INSIG1: variants seen among roughly 807,000 people sequenced by gnomAD.
The protein encoded by INSIG1 is insulin induced gene 1, also known as insulin-induced gene 1 protein.
A neutral mutation model predicts 26.5 loss-of-function variants in INSIG1; 14 were observed. The observed-to-expected ratio is 0.53, with a 90% CI of 0.35 to 0.83. The LOEUF (loss-of-function observed/expected upper bound fraction) is 0.83. Ranked by LOEUF, INSIG1 falls within the 40% of genes least tolerant of loss-of-function variation. INSIG1 has a pLI of 0.01. For synonymous variants in INSIG1, 147 were observed against 153.3 expected (o/e 0.96, Z 0.30); for missense variants, 272 against 368.9 (o/e 0.74, Z 2.15).
At chr7:155,308,213 T>C (rs769013162) in intron 5 of INSIG1, 28 bp from the exon 6 acceptor site, 1 of 1,215,554 alleles carries the variant, frequency 8.2e-7, no homozygotes, top group Non-Finnish European at 1.2e-6. Flanking sequence ...ATTTTCTCTT[T>C]CCTTTTTTTT....
chr7:155,306,382 T>G (rs1189648089), intron 5 of INSIG1, among the ~76,000 whole-genome samples: 1 of 152,242 alleles, frequency 6.6e-6, no homozygotes, highest in African/African-American at 2.4e-5. Flanking sequence ...CTTCAAGTCC[T>G]TTCTCAAGAG....
chr7:155,308,162 C>T, intron 5 of INSIG1, 79 bp from the exon 6 acceptor site: 1 of 731,988 alleles, frequency 1.4e-6, no homozygotes, highest in Non-Finnish European at 2.3e-6. Context: ...ATGTTAGGAC[C>T]TACTTAATTG....
chr7:155,303,703 GA>G (rs1363820691), intron 5 of INSIG1: 2 of 339,742 alleles, frequency 5.9e-6, no homozygotes, highest in East Asian at 1.8e-4. Context: ...TTGGCAGGCT[GA>G]AAGAAAGTAA....
At position 155,302,952 on chromosome 7, in the gene INSIG1, C is replaced by A; in HGVS notation, c.804+106C>A. 1.4e-6 allele frequency: 1 copy of A among 713,774 alleles called. No homozygotes were observed. The highest frequency in any genetic ancestry group is 2.5e-6 in the Non-Finnish European group (1 of 402,790). 44.2% of individuals were successfully genotyped at this position (713,774 alleles called of 1,614,324 possible). On this transcript the variant is annotated intron_variant, in intron 5 of 5. Coordinates refer to ENST00000340368, the MANE Select transcript of INSIG1 (RefSeq NM_005542.6). The surrounding 1 kb of genome is among the most constrained non-coding windows in gnomAD (Gnocchi z 4.3). ...TTGCGTTCATATATTCTGGTTCAGA[C>A]TTGAGTGACAACTACTGAGAAAAGC...
chr7:155,307,971 C>T (rs1041537549), intron 5 of INSIG1, among the ~76,000 whole-genome samples: 5 of 152,144 alleles, frequency 3.3e-5, no homozygotes, highest in Admixed American at 6.5e-5. Context: ...GCCTCAGCAG[C>T]GTAATTTCAC....
At chr7:155,306,146 C>A (rs1425203128) in intron 5 of INSIG1, among the ~76,000 whole-genome samples, 1 of 151,970 alleles carries the variant, frequency 6.6e-6, no homozygotes, top group African/African-American at 2.4e-5. Context: ...ATCACAGGCG[C>A]CCACCACCGC....
chr7:155,310,235 A>AGTGTT (rs1353154680), downstream of INSIG1: 1 of 152,560 alleles, frequency 6.6e-6, no homozygotes, highest in East Asian at 1.9e-4. Flanking sequence ...TTCAAAACCA[A>AGTGTT]GTGTTGTATT....
chr7:155,308,247 C>T lies in INSIG1; in HGVS notation c.811C>T (p.Pro271Ser), dbSNP rs375048290. The change falls in exon 6 of 6, where the codon CCT becomes TCT. Residue 271 changes from proline (P) to serine (S), a missense_variant. This residue lies in a region of INSIG1 where 111 missense variants were observed against 189.8 expected (regional missense o/e 0.58). Coordinates refer to ENST00000340368, the MANE Select transcript of INSIG1 (RefSeq NM_005542.6). ...NIGRQLAMGV[P>S]EKPHSD ...TTTTCCTTTCTACACATAGGGTGTT[C>T]CTGAAAAGCCCCATAGTGATTGAGT... 8 of 1,583,682 alleles carry T rather than the reference C, an allele frequency of 5.1e-6. No individual in the cohort carries two copies. The Admixed American group carries it at 6.7e-5, about 13-fold the overall frequency.
chr7:155,304,197 C>A (rs773199268), intron 5 of INSIG1, among the ~76,000 whole-genome samples: 10 of 152,180 alleles, frequency 6.6e-5, no homozygotes, highest in Non-Finnish European at 1.2e-4. Flanking sequence ...CTCGTGGGCT[C>A]AAGCCATCCT....
chr7:155,302,520 A>C lies in INSIG1; in HGVS notation c.704+103A>C. ...TTCATATTTTATTTGTTTTTTATAT[A>C]GAATGATACAGATTTAGGCATGAAA... On this transcript the variant is annotated intron_variant, in intron 4 of 5. Coordinates refer to ENST00000340368, the MANE Select transcript of INSIG1 (RefSeq NM_005542.6). This position sits in a 1 kb window ranked among gnomAD's most constrained non-coding sequence, Gnocchi z 4.3. 8.3e-7 allele frequency: 1 copy of C among 1,200,814 alleles called. No homozygotes were observed. Among genetic ancestry groups the C allele is most frequent in the Non-Finnish European group, 1.1e-6 (1 of 881,624 alleles). The allele number at this position is 1,200,814 out of a possible 1,614,324, so 74.4% of individuals were successfully genotyped here.
At chr7:155,307,198 GT>G (rs1797959892) in intron 5 of INSIG1, among the ~76,000 whole-genome samples, 1 of 152,222 alleles carries the variant, frequency 6.6e-6, no homozygotes, top group African/African-American at 2.4e-5. Context: ...AAGCATGTAT[GT>G]TTCCTAGAAG....
chr7:155,302,629 A>G lies in INSIG1; in HGVS notation c.705-118A>G. On this transcript the variant is annotated intron_variant, in intron 4 of 5. Coordinates refer to ENST00000340368, the MANE Select transcript of INSIG1 (RefSeq NM_005542.6). This position sits in a 1 kb window ranked among gnomAD's most constrained non-coding sequence, Gnocchi z 4.3. Reference sequence around the variant, plus strand: ...CAGTTACAACCAAACAAATATGAACATTCGTAACATTGGATGGTTGATATG... The same window carrying G: ...CAGTTACAACCAAACAAATATGAACGTTCGTAACATTGGATGGTTGATATG... The G allele has an allele frequency of 2.2e-6, 2 of 896,406 alleles. No homozygotes were observed. Among genetic ancestry groups the G allele is most frequent in the South Asian group, 3.3e-5 (2 of 61,130 alleles). 55.5% of individuals were successfully genotyped at this position (896,406 alleles called of 1,614,324 possible).
rs1296746811 is a variant in INSIG1 at position 155,308,464 on chromosome 7, C to T, written c.*194C>T. ...AATGATGACTTACCCTGAAGTCTTCCCTTGACTGCCCGCACTGGCGCCTGT... is the reference window on the plus strand; with the variant it reads ...AATGATGACTTACCCTGAAGTCTTCTCTTGACTGCCCGCACTGGCGCCTGT... On this transcript the variant is annotated 3_prime_UTR_variant, in exon 6 of 6. Coordinates refer to ENST00000340368, the MANE Select transcript of INSIG1 (RefSeq NM_005542.6). 1.5e-6 allele frequency: 1 copy of T among 687,442 alleles called. No individual in the cohort carries two copies. Among genetic ancestry groups the T allele is most frequent in the East Asian group, 2.5e-5 (1 of 39,770 alleles). 42.6% of individuals were successfully genotyped at this position (687,442 alleles called of 1,614,324 possible). A position where few individuals can be genotyped will look rare whatever the true frequency, so the allele number is the denominator to read the frequency against.
In INSIG1 at chr7:155,310,098, T is replaced by G. The variant is rs1798045265; in HGVS notation, c.*1828T>G. The stretch of plus-strand genomic sequence containing the variant: ...TATGAACCAAAGTGATTTGAGTTTG[T>G]AAAAATGTAAAATAGTATGAACAAA... On this transcript the variant is annotated 3_prime_UTR_variant, in exon 6 of 6. Transcript: ENST00000340368. 6.5e-6 allele frequency: 1 copy of G among 152,672 alleles called. No homozygotes were observed. The highest frequency in any genetic ancestry group is 2.1e-4 in the South Asian group (1 of 4,830). 9.5% of individuals were successfully genotyped at this position (152,672 alleles called of 1,614,324 possible). A position where few individuals can be genotyped will look rare whatever the true frequency, so the allele number is the denominator to read the frequency against.
rs987313390 is a variant in INSIG1 at position 155,298,816 on chromosome 7, C to T, written c.412+119C>T. On this transcript the variant is annotated intron_variant, in intron 2 of 5. Transcript: ENST00000340368. Reference sequence around the variant, plus strand: ...GAACTATCCACAGATTGAAAGTGTGCATCTCCAGTCTTGGGATTTAGAGAA... The same window carrying T: ...GAACTATCCACAGATTGAAAGTGTGTATCTCCAGTCTTGGGATTTAGAGAA... The T allele has an allele frequency of 1.1e-5, 11 of 1,019,338 alleles. No homozygotes were observed. The Admixed American group carries it at 2.7e-4, about 25-fold the overall frequency. The allele number at this position is 1,019,338 out of a possible 1,614,324, so 63.1% of individuals were successfully genotyped here.
Position 155,303,976 on chromosome 7 carries a change from C to CTTT in INSIG1, c.804+1150_804+1152dup, listed in dbSNP as rs11385167. On this transcript the variant is annotated intron_variant, in intron 5 of 5. Transcript: ENST00000340368. The stretch of plus-strand genomic sequence containing the variant: ...ATGGAGAAGAAAGGACTTTGCTTGC[C>CTTT]TTTTTTTTTTTTTTTTTTTTTTGAG... The CTTT allele has an allele frequency of 1.3e-3, 333 of 263,414 alleles. 1 individual carries two copies. Among genetic ancestry groups the CTTT allele is most frequent in the South Asian group, 2.3e-3 (71 of 30,238 alleles). The allele number at this position is 263,414 out of a possible 1,614,324, so 16.3% of individuals were successfully genotyped here.
At chr7:155,304,018 C>T (rs1258109453) in intron 5 of INSIG1, 1 of 360,896 alleles carries the variant, frequency 2.8e-6, no homozygotes, top group Non-Finnish European at 5.0e-6. Flanking sequence ...CTCTGGAGTG[C>T]AGTGGTGCCA....
chr7:155,301,415 A>T (rs1797781522), intron 2 of INSIG1, 151 bp from the exon 3 acceptor site: 4 of 689,124 alleles, frequency 5.8e-6, no homozygotes, highest in Non-Finnish European at 9.0e-6. Context: ...CTCAAAGAGA[A>T]CAAGAATATA....
rs755231844 is a variant in INSIG1 at position 155,298,533 on chromosome 7, G to T, written c.248G>T (p.Arg83Leu). 6.2e-7 allele frequency: 1 copy of T among 1,601,298 alleles called. No homozygotes were observed. The highest frequency in any genetic ancestry group is 1.1e-5 in the South Asian group (1 of 89,394). ...GSPYPNTWHH[R>L]LLQRSLVLFS... ...CCCTACCCCAACACCTGGCATCATCGCCTGTTGCAGAGGAGCCTCGTGCTC... is the reference window on the plus strand; with the variant it reads ...CCCTACCCCAACACCTGGCATCATCTCCTGTTGCAGAGGAGCCTCGTGCTC... Residue 83 changes from arginine (R) to leucine (L), a missense_variant, in exon 2 of 6, where the codon CGC becomes CTC. By Grantham distance (102) the Arg-to-Leu change is moderately radical. Transcript: ENST00000340368.
Sources: gnomAD v4.1 joint callset for allele counts (sites outside exome capture counted in the v4.1 genomes callset) on GRCh38, gnomAD v4.1.1 for gene constraint, gnomAD v4.1.1 regional missense constraint, Gnocchi (gnomAD v3.1) non-coding constraint, MANE v1.5 for transcripts, NCBI Gene and HGNC (gene_info 2026-07-23, HGNC 2026-07-21) for gene names.